Variants in ZNF586 observed in about 807,000 individuals in gnomAD.
The protein encoded by ZNF586 is zinc finger protein 586.
In ZNF586, 7 loss-of-function variants were observed where a neutral mutation model predicts 6.7. The observed-to-expected ratio is 1.04, with a 90% CI of 0.59 to 1.95. The LOEUF (loss-of-function observed/expected upper bound fraction) is 1.95, where lower values mean the gene tolerates loss of function less well. Among genes scored for constraint, ZNF586 ranks in the 30% most tolerant of loss-of-function variants. ZNF586 has a pLI of 0.00. For synonymous variants in ZNF586, 166 were observed against 168.7 expected (o/e 0.98, Z 0.12); for missense variants, 442 against 489.6 (o/e 0.90, Z 0.92).
In ZNF586 at chr19:57,776,616, G is replaced by GAT. The variant is rs1987242979; in HGVS notation, c.111_112dup (p.Cys38TyrfsTer7). On this transcript the variant is annotated frameshift_variant, in exon 2 of 3. Coordinates refer to ENST00000396154, the MANE Select transcript of ZNF586 (RefSeq NM_017652.4). LOFTEE classifies it high-confidence loss of function. ...TGGAGTCTTCTTAATGAGGCTCAGA[G>GAT]ATGCCTGTACCGTGACGTGATGCTG... 1.2e-6 allele frequency: 2 copies of GAT among 1,613,474 alleles called. No individual in the cohort carries two copies. Among genetic ancestry groups the GAT allele is most frequent in the South Asian group, 2.2e-5 (2 of 91,046 alleles).
chr19:57,776,167 C>A (rs1436990673), intron 1 of ZNF586, among the ~76,000 whole-genome samples: 2 of 152,114 alleles, frequency 1.3e-5, no homozygotes, highest in Non-Finnish European at 2.9e-5. Flanking sequence ...TGGCAATTGG[C>A]ATGTGTCTGT....
chr19:57,777,381 C>G (rs985654799), intron 2 of ZNF586, among the ~76,000 whole-genome samples: 5 of 151,874 alleles, frequency 3.3e-5, no homozygotes, highest in African/African-American at 1.2e-4. Flanking sequence ...ATGAAGAGCC[C>G]GTGGTTGTCC....
chr19:57,779,866 A>C lies in ZNF586; in HGVS notation c.*70A>C. On this transcript the variant is annotated 3_prime_UTR_variant, in exon 3 of 3. Transcript: ENST00000396154. ...AGGCCAGAGAGTTCACACCAGATCAAGGTGTTATGAGTGTGACAAATGGGG... is the reference window on the plus strand; with the variant it reads ...AGGCCAGAGAGTTCACACCAGATCACGGTGTTATGAGTGTGACAAATGGGG... The C allele has an allele frequency of 7.9e-7, 1 of 1,268,686 alleles. No individual in the cohort carries two copies. Among genetic ancestry groups the C allele is most frequent in the Non-Finnish European group, 1.1e-6 (1 of 910,296 alleles). 78.6% of individuals were successfully genotyped at this position (1,268,686 alleles called of 1,614,324 possible).
chr19:57,776,018 G>A (rs1987228463), intron 1 of ZNF586, among the ~76,000 whole-genome samples: 2 of 152,264 alleles, frequency 1.3e-5, no homozygotes, highest in East Asian at 1.9e-4. Context: ...TGTGTTCAGC[G>A]TCAGGTGTTG....
At chr19:57,777,903 C>G (rs985935494) in intron 2 of ZNF586, among the ~76,000 whole-genome samples, 1 of 143,998 alleles carries the variant, frequency 6.9e-6, no homozygotes, top group Non-Finnish European at 1.5e-5. Context: ...TTACAGGGGC[C>G]CACCACCACG....
At chr19:57,778,429 T>C (rs1987292921) in intron 2 of ZNF586, among the ~76,000 whole-genome samples, 1 of 152,108 alleles carries the variant, frequency 6.6e-6, no homozygotes, top group Non-Finnish European at 1.5e-5. Context: ...GCTCTAGTCA[T>C]GTTGGGGGGG....
chr19:57,776,405 A>C, intron 1 of ZNF586, 138 bp from the exon 2 acceptor site: 1 of 970,854 alleles, frequency 1.0e-6, no homozygotes, highest in Non-Finnish European at 1.5e-6. Flanking sequence ...ACACAGTGGC[A>C]CTAGTGGGCA....
In ZNF586 at chr19:57,779,646, C is replaced by T. The variant is rs748868120; in HGVS notation, c.1059C>T (p.Ser353=). 23 of 1,613,540 alleles carry T rather than the reference C, an allele frequency of 1.4e-5. No homozygotes were observed. The highest frequency in any genetic ancestry group is 1.7e-5 in the Non-Finnish European group (20 of 1,179,756). The change falls in exon 3 of 3, where the codon TCC becomes TCT. Residue 353 remains serine, a synonymous_variant. Coordinates refer to ENST00000396154, the MANE Select transcript of ZNF586 (RefSeq NM_017652.4). ...RPYECSDCGK[S]FAENSSLIKH... ...ATGAGTGCAGTGACTGTGGGAAATC[C>T]TTTGCTGAAAACTCCAGCCTTATTA...
chr19:57,779,945 A>T lies in ZNF586; in HGVS notation c.*149A>T. On this transcript the variant is annotated 3_prime_UTR_variant, in exon 3 of 3. Coordinates refer to ENST00000396154, the MANE Select transcript of ZNF586 (RefSeq NM_017652.4). ...TTTACATAAAAGAGTGCTCCCACTGAAGAAGTGCCTTTTGAGTGCAATGAA... is the reference window on the plus strand; with the variant it reads ...TTTACATAAAAGAGTGCTCCCACTGTAGAAGTGCCTTTTGAGTGCAATGAA... 1.4e-6 allele frequency: 1 copy of T among 691,524 alleles called. No individual in the cohort carries two copies. Among genetic ancestry groups the T allele is most frequent in the Non-Finnish European group, 2.3e-6 (1 of 426,636 alleles). The allele number at this position is 691,524 out of a possible 1,614,324, so 42.8% of individuals were successfully genotyped here.
At chr19:57,776,820 T>G in intron 2 of ZNF586, 151 bp downstream of exon 2, 4 of 855,566 alleles carry the variant, frequency 4.7e-6, no homozygotes, top group Non-Finnish European at 6.9e-6. Context: ...GTGTACGTAC[T>G]GCCCTGTCCT....
At position 57,780,132 on chromosome 19, in the gene ZNF586, C is replaced by T; in HGVS notation, c.*336C>T. ...AAATTGAATGTCATACATCAAATAG[C>T]TGCATACATTCCAGGTATGTGGGAA... On this transcript the variant is annotated 3_prime_UTR_variant, in exon 3 of 3. Transcript: ENST00000396154. 3.5e-6 allele frequency: 1 copy of T among 283,302 alleles called. No individual in the cohort carries two copies. Among genetic ancestry groups the T allele is most frequent in the Non-Finnish European group, 6.6e-6 (1 of 152,020 alleles). The allele number at this position is 283,302 out of a possible 1,614,324, so 17.5% of individuals were successfully genotyped here. A position where few individuals can be genotyped will look rare whatever the true frequency, so the allele number is the denominator to read the frequency against.
intron 1 of ZNF586, 42 bp downstream of exon 1, chr19:57,769,920 C>G (rs1173975684): frequency 6.8e-7 from 1 of 1,476,626 alleles, no homozygotes; most frequent in Admixed American, 2.3e-5. Flanking sequence ...CCTACCCACC[C>G]AGACCCTGAG....
At chr19:57,777,672 T>G (rs1216951979) in intron 2 of ZNF586, among the ~76,000 whole-genome samples, 1 of 152,030 alleles carries the variant, frequency 6.6e-6, no homozygotes, top group Non-Finnish European at 1.5e-5. Flanking sequence ...TCTCACCTAT[T>G]TTTCTCACGG....
Position 57,779,636 on chromosome 19 carries a change from G to A in ZNF586, c.1049G>A (p.Cys350Tyr), listed in dbSNP as rs1218284693. ...GAAAGGCCTTATGAGTGCAGTGACT[G>A]TGGGAAATCCTTTGCTGAAAACTCC... ...TGERPYECSD[C>Y]GKSFAENSSL... Residue 350 changes from cysteine to tyrosine, a missense_variant, in exon 3 of 3, where the codon TGT becomes TAT. Transcript: ENST00000396154. The A allele has an allele frequency of 1.9e-6, 3 of 1,613,742 alleles. No individual in the cohort carries two copies. Among genetic ancestry groups the A allele is most frequent in the Non-Finnish European group, 2.5e-6 (3 of 1,179,766 alleles).
rs184974888 is a variant in ZNF586 at position 57,779,337 on chromosome 19, T to G, written c.750T>G (p.Ile250Met). The change falls in exon 3 of 3, where the codon ATT becomes ATG. Residue 250 changes from isoleucine to methionine, a missense_variant. Transcript: ENST00000396154. ...GRSFAENSSL[I>M]KHLRVHTGER... ...CCTTTGCTGAAAACTCCAGTCTTAT[T>G]AAACACTTGAGAGTTCACACAGGAG... The G allele has an allele frequency of 2.4e-4, 382 of 1,613,014 alleles. No individual in the cohort carries two copies. Among genetic ancestry groups the G allele is most frequent in the Non-Finnish European group, 3.1e-4 (362 of 1,179,802 alleles).
Position 57,769,832 on chromosome 19 carries a change from C to T in ZNF586, c.-11C>T. The T allele has an allele frequency of 1.2e-5, 19 of 1,545,854 alleles. No homozygotes were observed. The highest frequency in any genetic ancestry group is 1.7e-5 in the Non-Finnish European group (19 of 1,146,160). Reference sequence around the variant, plus strand: ...CACCGCCGAGCCCGCGTTCCCCCCCCGCCCAGAGTCATGGCGGCAGCAGCC... The same window carrying T: ...CACCGCCGAGCCCGCGTTCCCCCCCTGCCCAGAGTCATGGCGGCAGCAGCC... On this transcript the variant is annotated 5_prime_UTR_variant, in exon 1 of 3. Transcript: ENST00000396154.
intron 2 of ZNF586, among the ~76,000 whole-genome samples, chr19:57,777,887 C>G (rs1002759262): frequency 6.7e-6 from 1 of 148,482 alleles, no homozygotes. Context: ...TCCTGAGTAG[C>G]TAGGATTACA....
At chr19:57,775,566 G>A (rs1987214038) in intron 1 of ZNF586, among the ~76,000 whole-genome samples, 1 of 150,608 alleles carries the variant, frequency 6.6e-6, no homozygotes, top group Non-Finnish European at 1.5e-5. Flanking sequence ...CCTCTTGATT[G>A]AGCAAAGCTT....
Position 57,779,025 on chromosome 19 carries a change from G to A in ZNF586, c.438G>A (p.Gly146=), listed in dbSNP as rs780740942. ...TLHIHERFHT[G]QKTYECSECG... ...ATATTCATGAGAGATTTCATACTGG[G>A]CAAAAGACCTATGAGTGCAGTGAGT... The change falls in exon 3 of 3, where the codon GGG becomes GGA. Residue 146 remains glycine, a synonymous_variant. Coordinates refer to ENST00000396154, the MANE Select transcript of ZNF586 (RefSeq NM_017652.4). 1.2e-6 allele frequency: 2 copies of A among 1,613,864 alleles called. No homozygotes were observed. The highest frequency in any genetic ancestry group is 3.3e-5 in the Admixed American group (2 of 59,992).
Sources: allele counts gnomAD v4.1 joint callset (sites outside exome capture counted in the v4.1 genomes callset), GRCh38; gene constraint gnomAD v4.1.1; transcripts MANE v1.5; gene names NCBI Gene and HGNC (gene_info 2026-07-23, HGNC 2026-07-21).